PRDM16: variants seen among roughly 807,000 people sequenced by gnomAD.
The protein encoded by PRDM16 is histone-lysine N-methyltransferase PRDM16.
A neutral mutation model predicts 110.6 loss-of-function variants in PRDM16; 23 were observed. The observed-to-expected ratio is 0.21, with a 90% CI of 0.15 to 0.29. PRDM16 has a LOEUF of 0.29. Ranked by LOEUF, PRDM16 falls within the 10% of genes least tolerant of loss-of-function variation. The pLI, the probability that PRDM16 is intolerant of heterozygous loss-of-function variation, is 1.00. For missense variants in PRDM16, 1,615 were observed against 1,794.3 expected (o/e 0.90, Z 1.81); for synonymous variants, 799 against 781.8 (o/e 1.02, Z -0.37).
intron 3 of PRDM16, among the ~76,000 whole-genome samples, chr1:3,261,408 G>A (rs1320824766): frequency 2.0e-5 from 3 of 152,154 alleles, no homozygotes; most frequent in Non-Finnish European, 2.9e-5. Flanking sequence ...ACAATGCATG[G>A]AAACATCTTT....
At chr1:3,347,411 T>C (rs147093942) in intron 3 of PRDM16, among the ~76,000 whole-genome samples, 101 of 152,332 alleles carry the variant, frequency 6.6e-4, no homozygotes, top group Middle Eastern at 6.8e-3. Flanking sequence ...ACCCTGGGCC[T>C]GGCCCACGGT....
At chr1:3,150,061 G>A (rs1643747667) in intron 1 of PRDM16, among the ~76,000 whole-genome samples, 2 of 152,164 alleles carry the variant, frequency 1.3e-5, no homozygotes, top group South Asian at 2.1e-4. Flanking sequence ...GAGAGGACAC[G>A]GGTCACCCTG....
At chr1:3,198,420 T>C (rs541496111) in intron 2 of PRDM16, among the ~76,000 whole-genome samples, 2 of 152,364 alleles carry the variant, frequency 1.3e-5, no homozygotes, top group African/African-American at 4.8e-5. Flanking sequence ...TCAAAGTGAC[T>C]ATTCTCACTC....
intron 2 of PRDM16, among the ~76,000 whole-genome samples, chr1:3,231,516 CGA>C (rs1461191699): frequency 7.4e-6 from 1 of 135,958 alleles, no homozygotes; most frequent in Non-Finnish European, 1.5e-5. Context: ...ATGCGGGGGT[CGA>C]GAGGTGTTTC....
intron 8 of PRDM16, among the ~76,000 whole-genome samples, chr1:3,407,867 A>G (rs1643588245): frequency 6.6e-6 from 1 of 152,094 alleles, no homozygotes. Context: ...TCTTGTCCAC[A>G]CACTCGGCTC....
intron 12 of PRDM16, among the ~76,000 whole-genome samples, chr1:3,422,379 A>G (rs1315041777): frequency 6.6e-6 from 1 of 151,908 alleles, no homozygotes; most frequent in Non-Finnish European, 1.5e-5. Context: ...TGGCAGGCAG[A>G]CAGACAGTCA....
chr1:3,188,655 G>A (rs1004301130), intron 2 of PRDM16, among the ~76,000 whole-genome samples: 3 of 152,220 alleles, frequency 2.0e-5, no homozygotes, highest in Non-Finnish European at 2.9e-5. Flanking sequence ...GCAGGATCTC[G>A]CCTGACCTTG....
intron 5 of PRDM16, among the ~76,000 whole-genome samples, chr1:3,396,999 C>G (rs982081573): frequency 2.0e-5 from 3 of 152,196 alleles, no homozygotes; most frequent in African/African-American, 7.2e-5. Flanking sequence ...TTCCCTGGTA[C>G]TTAAATGAAC....
At chr1:3,415,968 G>A (rs747783556) in intron 10 of PRDM16, among the ~76,000 whole-genome samples, 8 of 152,236 alleles carry the variant, frequency 5.3e-5, no homozygotes, top group Non-Finnish European at 7.3e-5. Flanking sequence ...CCAGTTGATG[G>A]CTCAGGGAGC....
intron 3 of PRDM16, among the ~76,000 whole-genome samples, chr1:3,286,546 T>C (rs1380627073): frequency 1.3e-5 from 2 of 151,996 alleles, no homozygotes; most frequent in Non-Finnish European, 2.9e-5. Flanking sequence ...GCCTCCTGAA[T>C]TGACATGCAG....
intron 1 of PRDM16, among the ~76,000 whole-genome samples, chr1:3,128,569 C>T (rs1459023962): frequency 6.6e-6 from 1 of 152,262 alleles, no homozygotes; most frequent in South Asian, 2.1e-4. Flanking sequence ...GCATGAGGGC[C>T]GAGGACTCTC....
intron 1 of PRDM16, among the ~76,000 whole-genome samples, chr1:3,150,248 T>C (rs1025326557): frequency 6.6e-6 from 1 of 152,192 alleles, no homozygotes; most frequent in Non-Finnish European, 1.5e-5. Flanking sequence ...CACTTGGCCC[T>C]TGGCTATCTA....
At chr1:3,318,907 G>T (rs769053407) in intron 3 of PRDM16, among the ~76,000 whole-genome samples, 2 of 152,198 alleles carry the variant, frequency 1.3e-5, no homozygotes, top group South Asian at 2.1e-4. Context: ...TAGGAAAAGC[G>T]CAACTGTGAG....
chr1:3,218,980 G>A (rs1051330985), intron 2 of PRDM16, among the ~76,000 whole-genome samples: 1 of 152,234 alleles, frequency 6.6e-6, no homozygotes, highest in Non-Finnish European at 1.5e-5. Flanking sequence ...ACAGCCTGGG[G>A]CCCAGCTCTC....
At position 3,136,794 on chromosome 1, in the gene PRDM16, T is replaced by C. The variant is rs113949871; in HGVS notation, c.38-49331T>C. 1.7e-3 allele frequency among the ~76,000 whole-genome samples: 259 copies of C among 152,300 alleles called. 1 individual carries two copies. Among genetic ancestry groups the C allele is most frequent in the African/African-American group, 5.8e-3 (243 of 41,562 alleles). On this transcript the variant is annotated intron_variant, in intron 1 of 16. Transcript: ENST00000270722. ...CATACAAACCCTTCCTTCAGACAGCTGTAATCAATATTTCATCCTGTCCCA... is the reference window on the plus strand; with the variant it reads ...CATACAAACCCTTCCTTCAGACAGCCGTAATCAATATTTCATCCTGTCCCA...
chr1:3,072,347 G>C (rs191907736), intron 1 of PRDM16, among the ~76,000 whole-genome samples: 46 of 149,184 alleles, frequency 3.1e-4, no homozygotes, highest in African/African-American at 1.2e-3. Context: ...TGTGCCAGTC[G>C]GCACCCCCAT....
At chr1:3,341,413 G>T (rs763343500) in intron 3 of PRDM16, among the ~76,000 whole-genome samples, 1 of 152,184 alleles carries the variant, frequency 6.6e-6, no homozygotes, top group Non-Finnish European at 1.5e-5. Context: ...GCAACCTGGC[G>T]ACTTTGCCCC....
intron 1 of PRDM16, among the ~76,000 whole-genome samples, chr1:3,134,761 C>T (rs1338501681): frequency 3.9e-5 from 6 of 152,264 alleles, no homozygotes; most frequent in Non-Finnish European, 8.8e-5. Flanking sequence ...AAGACATTAG[C>T]TGGTCAAAAA....
intron 1 of PRDM16, among the ~76,000 whole-genome samples, chr1:3,146,213 G>A (rs554243476): frequency 7.2e-5 from 11 of 152,364 alleles, no homozygotes; most frequent in African/African-American, 2.6e-4. Context: ...TACCCTCGGA[G>A]GGTGGAAACG....
Sources: allele counts gnomAD v4.1 joint callset (sites outside exome capture counted in the v4.1 genomes callset), GRCh38; gene constraint gnomAD v4.1.1; transcripts MANE v1.5; gene names NCBI Gene and HGNC (gene_info 2026-07-23, HGNC 2026-07-21).